The following SMG1 variants were observed in gnomAD, a reference collection of about 807,000 sequenced individuals.
The protein encoded by SMG1 is SMG1 nonsense mediated mRNA decay associated PI3K related kinase.
A neutral mutation model predicts 419.9 loss-of-function variants in SMG1; 22 were observed. That is an observed-to-expected ratio of 0.05 (90% CI 0.04 to 0.07). The LOEUF (loss-of-function observed/expected upper bound fraction) is 0.07. SMG1 is among the 10% of genes least tolerant of loss of function. The probability of loss-of-function intolerance (pLI) is 1.00; values close to 1 mark genes in which losing one functional copy is unlikely to be tolerated. For synonymous variants in SMG1, 1,538 were observed against 1,553.5 expected (o/e 0.99, Z 0.23); for missense variants, 3,185 against 4,342.0 (o/e 0.73, Z 7.49).
intron 1 of SMG1, among the ~76,000 whole-genome samples, chr16:18,910,984 C>A (rs995389633): frequency 1.4e-4 from 21 of 152,150 alleles, no homozygotes; most frequent in African/African-American, 5.1e-4. Context: ...TACCTTTTAA[C>A]CTACCCTTTC....
At chr16:18,862,692 A>G (rs889281766) in intron 25 of SMG1, among the ~76,000 whole-genome samples, 2 of 152,102 alleles carry the variant, frequency 1.3e-5, no homozygotes, top group Admixed American at 6.6e-5. Flanking sequence ...ATGAACCACC[A>G]AGTCAGATCA....
chr16:18,850,063 C>T lies in SMG1; in HGVS notation c.5347G>A (p.Asp1783Asn). The change falls in exon 35 of 63, where the codon GAC (aspartate) becomes AAC (asparagine). Residue 1783 changes from aspartate to asparagine, a missense_variant. Around this residue, in one of 27 missense-constraint regions of SMG1, gnomAD observed 493 missense variants for 552.9 expected, o/e 0.89. Transcript: ENST00000446231. ...CGCAATGTGGCCATCACAATCATGTCATCAGTGCTCTGTTCCACTCTGTGA... is the reference window on the plus strand; with the variant it reads ...CGCAATGTGGCCATCACAATCATGTTATCAGTGCTCTGTTCCACTCTGTGA... ...LSHRVEQSTD[D>N]MIVMATLRLL... 1 of 1,613,972 alleles carries T rather than the reference C, an allele frequency of 6.2e-7. No individual in the cohort carries two copies. Among genetic ancestry groups the T allele is most frequent in the Non-Finnish European group, 8.5e-7 (1 of 1,179,886 alleles).
intron 36 of SMG1, 57 bp downstream of exon 36, chr16:18,849,160 T>C: frequency 8.6e-7 from 1 of 1,169,216 alleles, no homozygotes; most frequent in Non-Finnish European, 1.1e-6. Context: ...TTGACCTCAC[T>C]AAAATTATTG....
At chr16:18,809,865 T>C (rs2031207722) in intron 62 of SMG1, among the ~76,000 whole-genome samples, 1 of 152,000 alleles carries the variant, frequency 6.6e-6, no homozygotes, top group Non-Finnish European at 1.5e-5. Flanking sequence ...AAGACAGTTA[T>C]AAAGATATGA....
chr16:18,888,492 TTGA>T lies in SMG1; in HGVS notation c.822+877_822+879del, dbSNP rs2036736320. ...GGAAAAAAATCCTTTTTTTTTTTTT[TTGA>T]GACAGAGTCTGGCTCTGTTGCCCAG... On this transcript the variant is annotated intron_variant, in intron 6 of 62. Transcript: ENST00000446231. 2.0e-5 allele frequency among the ~76,000 whole-genome samples: 3 copies of T among 152,080 alleles called. No individual in the cohort carries two copies. In the South Asian group the frequency reaches 6.2e-4, roughly 32 times the overall value.
chr16:18,830,243 A>T lies in SMG1; in HGVS notation c.8919T>A (p.Thr2973=). The T allele has an allele frequency of 6.2e-7, 1 of 1,613,968 alleles. No individual in the cohort carries two copies. Among genetic ancestry groups the T allele is most frequent in the Non-Finnish European group, 8.5e-7 (1 of 1,179,854 alleles). The change falls in exon 52 of 63, where the codon ACT becomes ACA. Residue 2973 remains threonine (T), a synonymous_variant. Coordinates refer to ENST00000446231, the MANE Select transcript of SMG1 (RefSeq NM_015092.5). Reference sequence around the variant, plus strand: ...CCTTTTCAACTAATAAGCTGAAAGCAGTTTCAACTTGAGCAAACATGCCAT... The same window carrying T: ...CCTTTTCAACTAATAAGCTGAAAGCTGTTTCAACTTGAGCAAACATGCCAT... ...AFDGMFAQVE[T]AFSLLVEKLN...
intron 60 of SMG1, among the ~76,000 whole-genome samples, chr16:18,814,012 CT>C (rs2031728858): frequency 9.2e-6 from 1 of 109,222 alleles, no homozygotes; most frequent in African/African-American, 3.6e-5. Flanking sequence ...GCCTGGGCGA[CT>C]GAGTGAGACT....
At chr16:18,832,626 G>C (rs1159552171) in intron 51 of SMG1, among the ~76,000 whole-genome samples, 1 of 150,670 alleles carries the variant, frequency 6.6e-6, no homozygotes, top group Non-Finnish European at 1.5e-5. Context: ...ATAAGTGCAT[G>C]TATAACTAGT....
chr16:18,899,536 A>C (rs1016803927), intron 1 of SMG1, among the ~76,000 whole-genome samples: 23 of 152,192 alleles, frequency 1.5e-4, no homozygotes, highest in African/African-American at 4.8e-4. Context: ...ATTTATATGA[A>C]ATTTCTATTT....
intron 1 of SMG1, among the ~76,000 whole-genome samples, chr16:18,909,261 G>A (rs1029768441): frequency 1.3e-5 from 2 of 152,072 alleles, no homozygotes; most frequent in African/African-American, 4.8e-5. Context: ...AGAATCACTT[G>A]AACCCGGGAG....
intron 10 of SMG1, among the ~76,000 whole-genome samples, chr16:18,880,730 G>T (rs890838616): frequency 7.8e-6 from 1 of 127,652 alleles, no homozygotes; most frequent in African/African-American, 3.0e-5. Flanking sequence ...AAGGGGGGGG[G>T]CGCGGAGGGG....
Position 18,852,394 on chromosome 16 carries a change from G to T in SMG1, c.4837C>A (p.Pro1613Thr), listed in dbSNP as rs2034652084. The T allele has an allele frequency of 6.2e-7, 1 of 1,613,640 alleles. No homozygotes were observed. Among genetic ancestry groups the T allele is most frequent in the East Asian group, 2.2e-5 (1 of 44,872 alleles). Reference protein sequence around the residue: ...QLYHLSSVQAPEVAKSWAALA... With the variant: ...QLYHLSSVQATEVAKSWAALA... ...GCTGCCCAAGATTTGGCTACTTCAGGTGCCTGTACTGAAGACAGGTGATAC... is the reference window on the plus strand; with the variant it reads ...GCTGCCCAAGATTTGGCTACTTCAGTTGCCTGTACTGAAGACAGGTGATAC... The change falls in exon 32 of 63, where the codon CCT (proline) becomes ACT (threonine). Residue 1613 changes from proline to threonine, a missense_variant. By Grantham distance (38) the Pro-to-Thr change is conservative (BLOSUM62 -1). Transcript: ENST00000446231.
At position 18,859,149 on chromosome 16, in the gene SMG1, C is replaced by T. The variant is rs1388455822; in HGVS notation, c.3986G>A (p.Arg1329His). The change falls in exon 28 of 63, where the codon CGC becomes CAC. Residue 1329 changes from arginine to histidine, a missense_variant. This residue lies in a region of SMG1 where 120 missense variants were observed against 193.3 expected (regional missense o/e 0.62). Transcript: ENST00000446231. ...NVVKYLKQTS[R>H]IAIGPLRLST... ...AAGTCTCAGAGGTCCAATAGCGATG[C>T]GGGATGTTTGCTTCAAGTACTTTAC... is the stretch of plus-strand genomic sequence containing the variant. 2.6e-6 allele frequency: 4 copies of T among 1,535,174 alleles called. No individual in the cohort carries two copies. Among genetic ancestry groups the T allele is most frequent in the Non-Finnish European group, 2.6e-6 (3 of 1,146,602 alleles).
intron 58 of SMG1, 75 bp downstream of exon 58, chr16:18,816,227 T>C: frequency 7.8e-6 from 9 of 1,151,338 alleles, no homozygotes; most frequent in Non-Finnish European, 1.1e-5. Context: ...TGTCACTGTT[T>C]TTCCTATAAA....
intron 11 of SMG1, chr16:18,878,639 A>G (rs1484739278): frequency 6.6e-6 from 1 of 152,450 alleles, no homozygotes; most frequent in African/African-American, 2.4e-5. Context: ...AAGAAAAAAA[A>G]GAAAGAATCT....
chr16:18,834,760 G>A (rs1296979690), intron 49 of SMG1, 132 bp downstream of exon 49: 3 of 1,025,780 alleles, frequency 2.9e-6, no homozygotes, highest in African/African-American at 3.2e-5. Context: ...ACACAACCAA[G>A]ATAACTAAAA....
rs1403195291 is a variant in SMG1 at position 18,828,143 on chromosome 16, T to C, written c.9629A>G (p.Asn3210Ser). 5.6e-6 allele frequency: 9 copies of C among 1,613,442 alleles called. No homozygotes were observed. The highest frequency in any genetic ancestry group is 1.7e-4 in the Middle Eastern group (1 of 6,058). Residue 3210 changes from asparagine (N) to serine (S), a missense_variant, in exon 55 of 63, where the codon AAT becomes AGT. Asn to Ser is a conservative substitution (Grantham distance 46). This residue lies in a region of SMG1 where 737 missense variants were observed against 846.6 expected (regional missense o/e 0.87). Transcript: ENST00000446231. ...TGTGACTGACATGGCTTGTGGTCTA[T>C]TGATAAGTAGATCTTCATGTTGCCA... is the stretch of plus-strand genomic sequence containing the variant. Reference protein sequence around the residue: ...FQWQHEDLLINRPQAMSVTPP... With the variant: ...FQWQHEDLLISRPQAMSVTPP...
At chr16:18,819,750 C>T (rs2032347271) in intron 55 of SMG1, 96 bp from the exon 56 acceptor site, 2 of 1,206,898 alleles carry the variant, frequency 1.7e-6, no homozygotes, top group Non-Finnish European at 2.2e-6. Flanking sequence ...TTCAAAAGAA[C>T]CAGGGTGGAC....
intron 1 of SMG1, among the ~76,000 whole-genome samples, chr16:18,924,458 C>T (rs2038314162): frequency 6.6e-6 from 1 of 152,124 alleles, no homozygotes; most frequent in African/African-American, 2.4e-5. Flanking sequence ...GATCACAATA[C>T]TGAAAAATAA....
Sources: allele counts gnomAD v4.1 joint callset (sites outside exome capture counted in the v4.1 genomes callset), GRCh38; gene constraint gnomAD v4.1.1; regional missense constraint gnomAD v4.1.1; transcripts MANE v1.5; gene names NCBI Gene and HGNC (gene_info 2026-07-23, HGNC 2026-07-21).